The following HMGB1 variants were observed in gnomAD, a reference collection of about 807,000 sequenced individuals.
The protein encoded by HMGB1 is high mobility group box 1.
For missense variants in HMGB1, 79 were observed against 253.5 expected (o/e 0.31, Z 4.67); for synonymous variants, 81 against 84.0 (o/e 0.96, Z 0.19).
At position 30,574,094 on chromosome 13, in the gene HMGB1, C is replaced by G. The variant is rs1057119369; in HGVS notation, c.-15+42577G>C. 2.6e-5 allele frequency among the ~76,000 whole-genome samples: 4 copies of G among 152,234 alleles called. No individual in the cohort carries two copies. The South Asian group carries it at 8.3e-4, about 32-fold the overall frequency. ...AATAAATGATGAACACAAGTATAGACCCAGTGGATTTGAGATGCCCAAGAT... is the reference window on the plus strand; with the variant it reads ...AATAAATGATGAACACAAGTATAGAGCCAGTGGATTTGAGATGCCCAAGAT... On this transcript the variant is annotated intron_variant, in intron 1 of 4. Coordinates refer to the HMGB1 transcript ENST00000405805.
In HMGB1 at chr13:30,583,493, T is replaced by C. The variant is rs1243282690; in HGVS notation, c.-15+33178A>G. On this transcript the variant is annotated intron_variant, in intron 1 of 4. Transcript: ENST00000405805. ...CAGCAGTGAGCTGTGATTATGCCAC[T>C]ACACTTCAGCCTGGATGAAGTGAGA... is the stretch of plus-strand genomic sequence containing the variant. Among the ~76,000 whole-genome samples, 5 of 124,872 alleles carry C rather than the reference T, an allele frequency of 4.0e-5. No individual in the cohort carries two copies. In the East Asian group the frequency reaches 1.2e-3, roughly 30 times the overall value. The allele number at this position is 124,872 out of a possible 152,430, so 81.9% of individuals were successfully genotyped here.
intron 1 of HMGB1, among the ~76,000 whole-genome samples, chr13:30,497,445 G>GTTTTT (rs386378693): frequency 0.34 from 49,519 of 146,962 alleles, 9,693 homozygotes; most frequent in Middle Eastern, 0.51. Context: ...TGGCCAGGCT[G>GTTTTT]TTTTTTTTTT....
chr13:30,532,266 C>T (rs991368717), intron 1 of HMGB1, among the ~76,000 whole-genome samples: 3 of 143,500 alleles, frequency 2.1e-5, no homozygotes, highest in Non-Finnish European at 3.0e-5. Context: ...ACCCGGGAGG[C>T]GGAGGTTGCC....
chr13:30,482,402 C>T (rs1051481282), intron 1 of HMGB1, among the ~76,000 whole-genome samples: 2 of 152,162 alleles, frequency 1.3e-5, no homozygotes, highest in East Asian at 1.9e-4. Context: ...AGGCCGCAAG[C>T]GTCTATGGTG....
chr13:30,583,021 C>A (rs1285560319), intron 1 of HMGB1, among the ~76,000 whole-genome samples: 1 of 152,040 alleles, frequency 6.6e-6, no homozygotes, highest in African/African-American at 2.4e-5. Flanking sequence ...AGCATCCATA[C>A]TGATCTATTT....
rs779572424 is a variant in HMGB1, at chr13:30,463,606, C to T, written c.75G>A (p.Glu25=). 1 of 1,605,024 alleles carries T rather than the reference C, an allele frequency of 6.2e-7. No individual in the cohort carries two copies. The highest frequency in any genetic ancestry group is 8.5e-7 in the Non-Finnish European group (1 of 1,175,968). The change falls in exon 2 of 5, where the codon GAG becomes GAA. Residue 25 remains glutamate (E), a synonymous_variant. Transcript: ENST00000341423. The stretch of plus-strand genomic sequence containing the variant: ...CATCTGGGTGCTTCTTCTTATGCTC[C>T]TCCCGACAAGTTTGCACAAAAAATG... ...SYAFFVQTCR[E]EHKKKHPDAS... is the part of the protein sequence containing the mutation.
chr13:30,467,688 T>C (rs1212529656), upstream of HMGB1, among the ~76,000 whole-genome samples: 2 of 152,258 alleles, frequency 1.3e-5, no homozygotes, highest in Non-Finnish European at 2.9e-5. Flanking sequence ...TTTATTTCAA[T>C]ACTGTCTTAT....
intron 1 of HMGB1, among the ~76,000 whole-genome samples, chr13:30,567,694 G>C (rs1471219712): frequency 6.6e-6 from 1 of 152,160 alleles, no homozygotes; most frequent in African/African-American, 2.4e-5. Context: ...CCCAGTAAAT[G>C]CCTGCTGAAA....
rs199737862 is a variant in HMGB1 at position 30,576,161 on chromosome 13, TG to T, written c.-15+40509del. The stretch of plus-strand genomic sequence containing the variant: ...TTTGAATGCTTCTTTCTCCATTTAG[TG>T]TAATTTTTTTTATAACATAGACCCA... On this transcript the variant is annotated intron_variant, in intron 1 of 4. Transcript: ENST00000405805. Among the ~76,000 whole-genome samples the T allele has an allele frequency of 3.3e-5, 5 of 152,190 alleles. No homozygotes were observed. The East Asian group carries it at 9.6e-4, about 29-fold the overall frequency.
In HMGB1 at chr13:30,589,290, C is replaced by T. The variant is rs142964183; in HGVS notation, c.-15+27381G>A. ...AAAGGGCTGGGATTACAGGCGTGAA[C>T]CACCGCGCCCGGCCTATCATTCTTA... On this transcript the variant is annotated intron_variant, in intron 1 of 4. Transcript: ENST00000405805. Among the ~76,000 whole-genome samples the T allele has an allele frequency of 3.5e-3, 533 of 152,210 alleles. 2 individuals are homozygous for T. The highest frequency in any genetic ancestry group is 0.011 in the African/African-American group (457 of 41,542).
rs543593068 is a variant in HMGB1, at chr13:30,485,376, C to T, written c.-14-21682G>A. Among the ~76,000 whole-genome samples the T allele has an allele frequency of 4.9e-4, 74 of 152,254 alleles. 1 individual carries two copies. In the Middle Eastern group the frequency reaches 0.017, roughly 35 times the overall value. The stretch of plus-strand genomic sequence containing the variant: ...TTTTAAGATGAGAGACCCTAACTCC[C>T]ACTTATAACATAGGAAGGCAACTTG... On this transcript the variant is annotated intron_variant, in intron 1 of 4. Transcript: ENST00000405805.
rs1886186038 is a variant in HMGB1, at chr13:30,459,675, C to T, written c.*1682G>A. Reference sequence around the variant, plus strand: ...CGAATACTTGCAATGTTTGACAAAACCTTTTATCAGCCCATTAACCTATTT... The same window carrying T: ...CGAATACTTGCAATGTTTGACAAAATCTTTTATCAGCCCATTAACCTATTT... On this transcript the variant is annotated 3_prime_UTR_variant, in exon 5 of 5. Coordinates refer to ENST00000341423, the MANE Select transcript of HMGB1 (RefSeq NM_002128.7). The T allele has an allele frequency of 6.6e-6, 1 of 152,222 alleles. No individual in the cohort carries two copies. The highest frequency in any genetic ancestry group is 3.4e-3 in the Middle Eastern group (1 of 294). The allele number at this position is 152,222 out of a possible 1,614,324, so 9.4% of individuals were successfully genotyped here. A position where few individuals can be genotyped will look rare whatever the true frequency, so the allele number is the denominator to read the frequency against.
intron 1 of HMGB1, among the ~76,000 whole-genome samples, chr13:30,534,405 C>T (rs1380227021): frequency 3.3e-5 from 5 of 151,856 alleles, no homozygotes; most frequent in Non-Finnish European, 5.9e-5. Context: ...ATACCCTTCA[C>T]GTTGGACTTG....
chr13:30,482,055 C>T (rs1887242471), intron 1 of HMGB1, among the ~76,000 whole-genome samples: 1 of 152,110 alleles, frequency 6.6e-6, no homozygotes, highest in Non-Finnish European at 1.5e-5. Context: ...GTCTTGAACT[C>T]CTGATCTCAA....
Position 30,484,717 on chromosome 13 carries a change from GAGAA to G in HMGB1, c.-14-21027_-14-21024del, listed in dbSNP as rs559367792. ...AGACCCTGTCTCAAAAAAAGAAAGA[GAGAA>G]AGAGAGAGAGAGAAAAGAAGGAGGA... On this transcript the variant is annotated intron_variant, in intron 1 of 4. Transcript: ENST00000405805. Among the ~76,000 whole-genome samples the G allele has an allele frequency of 1.4e-3, 210 of 151,798 alleles. 1 individual carries two copies. Among genetic ancestry groups the G allele is most frequent in the Non-Finnish European group, 2.3e-3 (159 of 67,956 alleles).
rs1222798748 is a variant in HMGB1 at position 30,459,308 on chromosome 13, G to A, written c.*2049C>T. 6.6e-6 allele frequency: 1 copy of A among 151,988 alleles called. No individual in the cohort carries two copies. Among genetic ancestry groups the A allele is most frequent in the Non-Finnish European group, 1.5e-5 (1 of 67,996 alleles). 9.4% of individuals were successfully genotyped at this position (151,988 alleles called of 1,614,324 possible). A position where few individuals can be genotyped will look rare whatever the true frequency, so the allele number is the denominator to read the frequency against. The stretch of plus-strand genomic sequence containing the variant: ...TTTGTCCATTTTCTTAAGATCTGTG[G>A]TCAAGAATAAACCCTAAAAAAACTG... On this transcript the variant is annotated 3_prime_UTR_variant, in exon 5 of 5. Coordinates refer to ENST00000341423, the MANE Select transcript of HMGB1 (RefSeq NM_002128.7).
chr13:30,491,267 T>C (rs1469291684), intron 1 of HMGB1, among the ~76,000 whole-genome samples: 1 of 150,392 alleles, frequency 6.6e-6, no homozygotes, highest in African/African-American at 2.5e-5. Context: ...TGACCTTAGA[T>C]GATCTGCCTG....
At chr13:30,519,301 A>G (rs9669891) in intron 1 of HMGB1, among the ~76,000 whole-genome samples, 25,886 of 144,864 alleles carry the variant, frequency 0.18, 2,856 homozygotes, top group African/African-American at 0.32. Flanking sequence ...GCTGAGGCAG[A>G]AGAATCGCTT....
intron 1 of HMGB1, among the ~76,000 whole-genome samples, chr13:30,539,330 A>C (rs1160759470): frequency 1.3e-5 from 2 of 152,166 alleles, no homozygotes; most frequent in Admixed American, 6.5e-5. Context: ...ATTCTCACAG[A>C]GGTGAGGGGA....
Sources: allele counts gnomAD v4.1 joint callset (sites outside exome capture counted in the v4.1 genomes callset), GRCh38; gene constraint gnomAD v4.1.1; transcripts MANE v1.5; gene names NCBI Gene and HGNC (gene_info 2026-07-23, HGNC 2026-07-21).